Variants in NAV1 observed in about 807,000 individuals in gnomAD.
NAV1 encodes the protein pore membrane and/or filament interacting like protein 3.
In NAV1, 18 loss-of-function variants were observed where a neutral mutation model predicts 175.2. That is an observed-to-expected ratio of 0.10 (90% confidence interval 0.07 to 0.15). NAV1 has a LOEUF of 0.15. Among genes scored for constraint, NAV1 ranks in the 10% least tolerant of loss-of-function variants. The pLI, the probability that NAV1 is intolerant of heterozygous loss-of-function variation, is 1.00. For synonymous variants in NAV1, 897 were observed against 978.7 expected (o/e 0.92, Z 1.56); for missense variants, 1,731 against 2,436.6 (o/e 0.71, Z 6.10).
At chr1:201,687,879 G>GA (rs1670745894) in intron 1 of NAV1, among the ~76,000 whole-genome samples, 1 of 152,172 alleles carries the variant, frequency 6.6e-6, no homozygotes. Context: ...GGAAGATGGG[G>GA]AATCAAAGGT....
At chr1:201,643,188 TTCCTTCCTTCC>T (rs1294217861) in intron 2 of NAV1, among the ~76,000 whole-genome samples, 2 of 136,992 alleles carry the variant, frequency 1.5e-5, no homozygotes, top group African/African-American at 7.0e-5. Flanking sequence ...CTTCTCTTTC[TTCCTTCCTTCC>T]TCCTTCCTTC....
intron 3 of NAV1, among the ~76,000 whole-genome samples, chr1:201,730,925 C>T (rs1477671304): frequency 6.6e-6 from 1 of 152,178 alleles, no homozygotes; most frequent in East Asian, 1.9e-4. Flanking sequence ...GACTTACCTA[C>T]GGAAGTGTTC....
At chr1:201,751,237 A>G (rs1674083008) in intron 3 of NAV1, among the ~76,000 whole-genome samples, 1 of 152,248 alleles carries the variant, frequency 6.6e-6, no homozygotes, top group African/African-American at 2.4e-5. Flanking sequence ...TGACGAAAGC[A>G]TGTGTAAAAG....
At chr1:201,774,258 A>G (rs1453674704) in intron 3 of NAV1, among the ~76,000 whole-genome samples, 1 of 152,248 alleles carries the variant, frequency 6.6e-6, no homozygotes, top group African/African-American at 2.4e-5. Context: ...GTAGCCCTGC[A>G]TAACTCTGAG....
At chr1:201,556,249 A>AAAAAAT (rs1666006635) in intron 1 of NAV1, among the ~76,000 whole-genome samples, 1 of 151,974 alleles carries the variant, frequency 6.6e-6, no homozygotes, top group South Asian at 2.1e-4. Context: ...CCATCTCTAC[A>AAAAAAT]AAAAATAAAA....
At chr1:201,802,607 C>T (rs1407352754) in intron 15 of NAV1, among the ~76,000 whole-genome samples, 9 of 151,524 alleles carry the variant, frequency 5.9e-5, no homozygotes, top group South Asian at 4.2e-4. Context: ...GGTGAAACCC[C>T]GTCTCTACTA....
chr1:201,582,261 A>C (rs1360998256), intron 1 of NAV1, among the ~76,000 whole-genome samples: 1 of 152,206 alleles, frequency 6.6e-6, no homozygotes, highest in East Asian at 1.9e-4. Context: ...TTTGCAAGAG[A>C]GGAAATTTAG....
chr1:201,761,348 C>G (rs1176224970), intron 3 of NAV1, among the ~76,000 whole-genome samples: 1 of 152,164 alleles, frequency 6.6e-6, no homozygotes, highest in Non-Finnish European at 1.5e-5. Context: ...CTTCATTCCG[C>G]GAAGAGAGAG....
intron 14 of NAV1, 138 bp downstream of exon 18, chr1:201,794,013 C>A: frequency 1.3e-6 from 1 of 747,318 alleles, no homozygotes; most frequent in Non-Finnish European, 2.3e-6. Flanking sequence ...GATTCTCAAT[C>A]TGCCCCCCAA....
chr1:201,773,497 A>G (rs1449542557), intron 3 of NAV1, among the ~76,000 whole-genome samples: 1 of 152,250 alleles, frequency 6.6e-6, no homozygotes. Context: ...AGTCTTTCAC[A>G]GTGGCTCAAG....
chr1:201,683,994 T>G (rs1670570379), intron 1 of NAV1, among the ~76,000 whole-genome samples: 1 of 152,244 alleles, frequency 6.6e-6, no homozygotes, highest in African/African-American at 2.4e-5. Flanking sequence ...TTTCATACTT[T>G]GAGTTATAAT....
chr1:201,716,500 G>A (rs980991014), intron 2 of NAV1, among the ~76,000 whole-genome samples: 50 of 152,206 alleles, frequency 3.3e-4, no homozygotes, highest in African/African-American at 1.1e-3. Flanking sequence ...TGTCCAAGGA[G>A]ATGTGATGTC....
At chr1:201,623,377 C>T (rs1339381382) in exon 1 of NAV1, 5 of 985,746 alleles carry the variant, frequency 5.1e-6, no homozygotes, top group Non-Finnish European at 6.0e-6. Flanking sequence ...TCCGGAAGGT[C>T]GGAAGCCTCC....
At chr1:201,542,069 C>T (rs1159052095) in intron 1 of NAV1, among the ~76,000 whole-genome samples, 4 of 152,170 alleles carry the variant, frequency 2.6e-5, no homozygotes, top group African/African-American at 9.7e-5. Context: ...GCTCTTCTCC[C>T]CTTTACAGGC....
At chr1:201,686,203 C>T (rs1300296218) in intron 1 of NAV1, among the ~76,000 whole-genome samples, 1 of 151,898 alleles carries the variant, frequency 6.6e-6, no homozygotes. Flanking sequence ...TTAGCACCTT[C>T]ACTCCTCCCC....
At chr1:201,686,326 G>A (rs2102407661) in intron 1 of NAV1, among the ~76,000 whole-genome samples, 1 of 151,214 alleles carries the variant, frequency 6.6e-6, no homozygotes, top group East Asian at 1.9e-4. Context: ...CCTCCCCCAG[G>A]GTACCATGCT....
Position 201,812,999 on chromosome 1 carries a change from C to T in NAV1, c.5222-141C>T. ...GAGATTGCCATCTAGGCAGTCAGCA[C>T]CCACTAGTCTTGACAACTCTAAATT... On this transcript the variant is annotated intron_variant, in intron 27 of 29. Coordinates refer to ENST00000367296, the Ensembl canonical transcript of NAV1. The surrounding 1 kb of genome is among the most constrained non-coding windows in gnomAD (Gnocchi z 4.6). The T allele has an allele frequency of 1.5e-6, 1 of 646,016 alleles. No individual in the cohort carries two copies. 40.0% of individuals were successfully genotyped at this position (646,016 alleles called of 1,614,324 possible).
In NAV1 at chr1:201,782,365, C is replaced by T; in HGVS notation, c.1853C>T (p.Thr618Ile). 1.2e-6 allele frequency: 2 copies of T among 1,614,176 alleles called. No homozygotes were observed. Among genetic ancestry groups the T allele is most frequent in the South Asian group, 2.2e-5 (2 of 91,080 alleles). ...CCTCCTCCTGCCACAGGCACAGCCA[C>T]TGTCATGCAAACTGGTGGTTCAGCC... Residue 618 changes from threonine to isoleucine, a missense_variant, in exon 6 of 30, where the codon ACT (threonine) becomes ATT (isoleucine). By Grantham distance (89) the Thr-to-Ile change is moderately conservative. This residue lies in a region of NAV1 where 634 missense variants were observed against 766.8 expected (regional missense o/e 0.83). Coordinates refer to ENST00000367296, the Ensembl canonical transcript of NAV1. The surrounding 1 kb of genome is among the most constrained non-coding windows in gnomAD (Gnocchi z 5.4).
intron 28 of NAV1, among the ~76,000 whole-genome samples, chr1:201,815,391 G>T (rs1012358429): frequency 6.6e-6 from 1 of 152,154 alleles, no homozygotes; most frequent in Non-Finnish European, 1.5e-5. Flanking sequence ...AAAAGGTGGG[G>T]TGGTTGGGGG....
Sources: allele counts gnomAD v4.1 joint callset (sites outside exome capture counted in the v4.1 genomes callset), GRCh38; gene constraint gnomAD v4.1.1; regional missense constraint gnomAD v4.1.1; non-coding constraint Gnocchi (gnomAD v3.1); transcripts MANE v1.5; gene names NCBI Gene and HGNC (gene_info 2026-07-23, HGNC 2026-07-21).